The following ADAMTSL2 variants were observed in gnomAD, a reference collection of about 807,000 sequenced individuals.
ADAMTSL2 encodes the protein ADAMTS like 2, also known as ADAMTS-like protein 2.
In ADAMTSL2, 55 loss-of-function variants were observed where a neutral mutation model predicts 117.0. That is an observed-to-expected ratio of 0.47 (90% CI 0.38 to 0.59). The LOEUF is 0.59. Among genes scored for constraint, ADAMTSL2 ranks in the 20% least tolerant of loss-of-function variants. ADAMTSL2 has a pLI of 0.00. For synonymous variants in ADAMTSL2, 572 were observed against 566.4 expected, an observed-to-expected ratio of 1.01 and a Z score of -0.14; for missense variants, 1,182 against 1,354.5, an observed-to-expected ratio of 0.87 and a Z score of 2.00.
chr9:133,562,765 C>G (rs1402988746), intron 12 of ADAMTSL2, among the ~76,000 whole-genome samples: 1 of 128,228 alleles, frequency 7.8e-6, no homozygotes. Flanking sequence ...CTTGGCCAGG[C>G]TCGCACCGCT....
At chr9:133,560,621 C>T (rs1053861719) in intron 11 of ADAMTSL2, among the ~76,000 whole-genome samples, 29 of 152,256 alleles carry the variant, frequency 1.9e-4, no homozygotes, top group Non-Finnish European at 3.2e-4. Context: ...CCAGCAGGTC[C>T]GTGCAGCCAT....
intron 17 of ADAMTSL2, among the ~76,000 whole-genome samples, chr9:133,572,592 G>A (rs1831133203): frequency 6.6e-6 from 1 of 152,154 alleles, no homozygotes; most frequent in African/African-American, 2.4e-5. Context: ...ACTAGGTGCA[G>A]GTACCTTGCT....
intron 2 of ADAMTSL2, 76 bp downstream of exon 2, chr9:133,536,878 G>T: frequency 6.2e-7 from 1 of 1,602,374 alleles, no homozygotes; most frequent in South Asian, 1.1e-5. Context: ...AGATGGACTG[G>T]CTTGGAGGGA....
chr9:133,562,919 G>A lies in ADAMTSL2; in HGVS notation c.1747+1624G>A, dbSNP rs1283035222. Among the ~76,000 whole-genome samples, 18 of 115,918 alleles carry A rather than the reference G, an allele frequency of 1.6e-4. 1 individual carries two copies. The highest frequency in any genetic ancestry group is 6.9e-4 in the African/African-American group (18 of 25,936). The allele number at this position is 115,918 out of a possible 152,430, so 76.0% of individuals were successfully genotyped here. ...CCAGGCTTGCACCGCTGTGGGCGGC[G>A]TGGTGGGCACCGGCTTGGCCAGGCT... On this transcript the variant is annotated intron_variant, in intron 12 of 18. Transcript: ENST00000651351.
At chr9:133,533,163 CTGTG>C (rs71378583), upstream of ADAMTSL2, among the ~76,000 whole-genome samples, 5,811 of 148,116 alleles carry the variant, frequency 0.039, 132 homozygotes, top group Middle Eastern at 0.069. Context: ...GTGTGTGTGC[CTGTG>C]TGTGTGTGTG....
rs1830547926 is a variant in ADAMTSL2, at chr9:133,554,078, CG to C, written c.940-278del. 6.6e-6 allele frequency among the ~76,000 whole-genome samples: 1 copy of C among 152,210 alleles called. No individual in the cohort carries two copies. Among genetic ancestry groups the C allele is most frequent in the African/African-American group, 2.4e-5 (1 of 41,448 alleles). On this transcript the variant is annotated intron_variant, in intron 9 of 18. Transcript: ENST00000651351. This position sits in a 1 kb window ranked among gnomAD's most constrained non-coding sequence, Gnocchi z 5.2. The stretch of plus-strand genomic sequence containing the variant: ...ATGCAGAGACGAGGGCCCACCTGGG[CG>C]TGCCTGGAAGACTGTGACGCCTTGT...
chr9:133,573,755 A>C, intron 17 of ADAMTSL2, 88 bp from the exon 18 acceptor site: 2 of 1,545,986 alleles, frequency 1.3e-6, no homozygotes, highest in Non-Finnish European at 1.8e-6. Flanking sequence ...GGGGTGGGGA[A>C]GGGGGAGTGT....
At position 133,567,078 on chromosome 9, in the gene ADAMTSL2, G is replaced by T; in HGVS notation, c.1874+16G>T. ...GCCAGCCCAGGTACCTGCCACCAGG[G>T]GCCCTGGGCAGGGGGTCGGCAGGGG... On this transcript the variant is annotated intron_variant, in intron 13 of 18. Transcript: ENST00000651351. The T allele has an allele frequency of 3.7e-6, 6 of 1,601,926 alleles. No individual in the cohort carries two copies. Among genetic ancestry groups the T allele is most frequent in the Non-Finnish European group, 5.1e-6 (6 of 1,178,516 alleles).
In ADAMTSL2 at chr9:133,544,298, A is replaced by G. The variant is rs9802732; in HGVS notation, c.683-172A>G. Among the ~76,000 whole-genome samples the G allele has an allele frequency of 0.85, 128,952 of 152,062 alleles. 55,387 individuals carry two copies. Among genetic ancestry groups the G allele is most frequent in the Non-Finnish European group, 0.92 (62,641 of 67,984 alleles). ...GCCTGGGCAGGTGCCCAGCTTGGTG[A>G]GTCAGCCTCTGCAATGGGACGGGGC... On this transcript the variant is annotated intron_variant, in intron 7 of 18. Coordinates refer to ENST00000651351, the MANE Select transcript of ADAMTSL2 (RefSeq NM_014694.4).
At chr9:133,556,983 C>G (rs1830617345) in intron 11 of ADAMTSL2, among the ~76,000 whole-genome samples, 2 of 152,184 alleles carry the variant, frequency 1.3e-5, no homozygotes, top group Non-Finnish European at 2.9e-5. Context: ...GAGGCAGGCA[C>G]GGGCTCACTG....
chr9:133,571,752 G>A (rs1348859085), intron 17 of ADAMTSL2, among the ~76,000 whole-genome samples: 2 of 152,220 alleles, frequency 1.3e-5, no homozygotes, highest in Admixed American at 1.3e-4. Flanking sequence ...CTTCTGAGAG[G>A]GGGACCTGGG....
At chr9:133,559,304 T>G (rs2131149428) in intron 11 of ADAMTSL2, among the ~76,000 whole-genome samples, 1 of 152,158 alleles carries the variant, frequency 6.6e-6, no homozygotes, top group Admixed American at 6.5e-5. Context: ...TCCAGGGAAC[T>G]TTTGTTCTGA....
chr9:133,556,081 T>C, intron 11 of ADAMTSL2, 151 bp downstream of exon 11: 1 of 1,074,194 alleles, frequency 9.3e-7, no homozygotes, highest in Non-Finnish European at 1.3e-6. Flanking sequence ...TTCCCGGGGT[T>C]CTCCACTCGC....
chr9:133,556,039 G>A, intron 11 of ADAMTSL2, 109 bp downstream of exon 11: 1 of 1,387,936 alleles, frequency 7.2e-7, no homozygotes, highest in Non-Finnish European at 9.7e-7. Flanking sequence ...GAAGGGCTGA[G>A]GTCCTAGAGG....
intron 4 of ADAMTSL2, among the ~76,000 whole-genome samples, chr9:133,539,297 T>C (rs1371833149): frequency 2.0e-5 from 3 of 152,154 alleles, no homozygotes; most frequent in Non-Finnish European, 4.4e-5. Context: ...AGGATGAGTC[T>C]CTTGTCTGCA....
intron 12 of ADAMTSL2, among the ~76,000 whole-genome samples, chr9:133,563,028 C>T (rs982410373): frequency 4.6e-5 from 7 of 152,194 alleles, no homozygotes; most frequent in Non-Finnish European, 7.4e-5. Context: ...CCGGCTTGGC[C>T]AGGCTTGCAC....
intron 7 of ADAMTSL2, among the ~76,000 whole-genome samples, chr9:133,542,802 C>T (rs780825183): frequency 3.3e-5 from 5 of 152,186 alleles, no homozygotes; most frequent in East Asian, 1.9e-4. Context: ...TTGGTAACCA[C>T]GCTGGGGGCT....
intron 1 of ADAMTSL2, among the ~76,000 whole-genome samples, chr9:133,535,950 T>C (rs1458576371): frequency 6.6e-6 from 1 of 152,194 alleles, no homozygotes; most frequent in Non-Finnish European, 1.5e-5. Flanking sequence ...TGCTGGCTGT[T>C]GGGAGGAAGT....
intron 5 of ADAMTSL2, 60 bp from the exon 6 acceptor site, chr9:133,540,538 C>T: frequency 6.3e-7 from 1 of 1,594,506 alleles, no homozygotes. Flanking sequence ...AAAGGGAAGT[C>T]CTCTGAATCC....
Sources: allele counts gnomAD v4.1 joint callset (sites outside exome capture counted in the v4.1 genomes callset), GRCh38; gene constraint gnomAD v4.1.1; non-coding constraint Gnocchi (gnomAD v3.1); transcripts MANE v1.5; gene names NCBI Gene and HGNC (gene_info 2026-07-23, HGNC 2026-07-21).